DOK6: variants seen among roughly 807,000 people sequenced by gnomAD.
DOK6 encodes the protein downstream of tyrosine kinase 6.
A neutral mutation model predicts 44.0 loss-of-function variants in DOK6; 22 were observed. That is an observed-to-expected ratio of 0.50 (90% CI 0.36 to 0.71). The LOEUF (loss-of-function observed/expected upper bound fraction) is 0.71, where lower values mean the gene tolerates loss of function less well. DOK6 is among the 30% of genes least tolerant of loss of function. DOK6 has a pLI of 0.00. For synonymous variants in DOK6, 166 were observed against 145.5 expected, an observed-to-expected ratio of 1.14 and a Z score of -1.01; for missense variants, 340 against 416.4, an observed-to-expected ratio of 0.82 and a Z score of 1.60.
intron 1 of DOK6, among the ~76,000 whole-genome samples, chr18:69,493,617 T>C (rs1238904220): frequency 2.6e-5 from 4 of 152,224 alleles, no homozygotes; most frequent in African/African-American, 9.6e-5. Flanking sequence ...TCAATAATTA[T>C]CATTTTTTTC....
intron 1 of DOK6, among the ~76,000 whole-genome samples, chr18:69,545,384 A>T (rs1454324173): frequency 6.6e-6 from 1 of 150,540 alleles, no homozygotes; most frequent in East Asian, 1.9e-4. Flanking sequence ...CTGTTGACCT[A>T]AAACTTGCTG....
rs553545042 is a variant in DOK6, at chr18:69,755,666, CAT to C, written c.739-2087_739-2086del. On this transcript the variant is annotated intron_variant, in intron 6 of 7. Coordinates refer to ENST00000382713, the MANE Select transcript of DOK6 (RefSeq NM_152721.6). ...TGGTGGTGGATGATGGACTTCCATC[CAT>C]ATGAGGGTGTAATGCACGTTTTTAA... Among the ~76,000 whole-genome samples, 74 of 152,300 alleles carry C rather than the reference CAT, an allele frequency of 4.9e-4. No homozygotes were observed. In the South Asian group the frequency reaches 0.014, roughly 28 times the overall value.
intron 2 of DOK6, 69 bp from the exon 3 acceptor site, chr18:69,599,315 T>TTTTG: frequency 9.3e-7 from 1 of 1,075,720 alleles, no homozygotes; most frequent in Non-Finnish European, 1.3e-6. Context: ...TAACTTATCA[T>TTTTG]TTTGTTTCAG....
chr18:69,813,137 C>T (rs1225910023), intron 7 of DOK6, among the ~76,000 whole-genome samples: 1 of 152,146 alleles, frequency 6.6e-6, no homozygotes, highest in Non-Finnish European at 1.5e-5. Flanking sequence ...TCCAAACTTG[C>T]ACCTGACAAG....
intron 7 of DOK6, among the ~76,000 whole-genome samples, chr18:69,831,949 G>T (rs1981913123): frequency 6.6e-6 from 1 of 150,742 alleles, no homozygotes; most frequent in Non-Finnish European, 1.5e-5. Flanking sequence ...GGAGTCTCTA[G>T]ATTTTTCTAA....
rs544588632 is a variant in DOK6 at position 69,776,934 on chromosome 18, G to C, written c.856+19061G>C. ...AAAAAGACTGCATGTTCTCACTCAG[G>C]TGGGAATTGAACAATGAGAACACAC... On this transcript the variant is annotated intron_variant, in intron 7 of 7. Coordinates refer to ENST00000382713, the MANE Select transcript of DOK6 (RefSeq NM_152721.6). Among the ~76,000 whole-genome samples, 6 of 145,784 alleles carry C rather than the reference G, an allele frequency of 4.1e-5. No homozygotes were observed. The Admixed American group carries it at 4.2e-4, about 10-fold the overall frequency.
chr18:69,830,673 T>G (rs1318212483), intron 7 of DOK6, among the ~76,000 whole-genome samples: 1 of 152,210 alleles, frequency 6.6e-6, no homozygotes, highest in Non-Finnish European at 1.5e-5. Flanking sequence ...TTGAATTGTT[T>G]TTTGTTATTC....
At chr18:69,738,172 CAT>C (rs748321146) in intron 5 of DOK6, among the ~76,000 whole-genome samples, 4 of 152,140 alleles carry the variant, frequency 2.6e-5, no homozygotes, top group Non-Finnish European at 4.4e-5. Flanking sequence ...TTTGGAGAAT[CAT>C]AGAGAAGAAT....
chr18:69,496,427 C>A (rs529833355), intron 1 of DOK6, among the ~76,000 whole-genome samples: 120 of 152,334 alleles, frequency 7.9e-4, no homozygotes, highest in Middle Eastern at 6.8e-3. Context: ...CGGGGCTTCC[C>A]GGCTGCAGCT....
chr18:69,841,318 GC>G lies in DOK6; in HGVS notation c.934del (p.Gln312SerfsTer29), dbSNP rs1349304232. On this transcript the variant is annotated frameshift_variant, in exon 8 of 8. Transcript: ENST00000382713. LOFTEE classifies it high-confidence loss of function. ...CTACGCCCCAGAACAGAGTGAAGAG[GC>G]CCAGCAGCCGTTGTCGCGGTCCAGC... The part of the protein sequence containing the change: ...PSYAPEQSEE[A>X]QQPLSRSSSY... 1.2e-6 allele frequency: 2 copies of G among 1,614,052 alleles called. No homozygotes were observed. The highest frequency in any genetic ancestry group is 1.7e-6 in the Non-Finnish European group (2 of 1,180,044).
At chr18:69,482,041 A>G (rs1192247132) in intron 1 of DOK6, among the ~76,000 whole-genome samples, 3 of 152,108 alleles carry the variant, frequency 2.0e-5, no homozygotes, top group Non-Finnish European at 4.4e-5. Flanking sequence ...GTGTCTGTTC[A>G]TATCCTTTGC....
chr18:69,514,852 G>A (rs1036838), intron 1 of DOK6, among the ~76,000 whole-genome samples: 1 of 46,588 alleles, frequency 2.1e-5, no homozygotes, highest in Non-Finnish European at 6.8e-5. Context: ...TTTTTTTTTT[G>A]AAGAAACAGA....
intron 1 of DOK6, among the ~76,000 whole-genome samples, chr18:69,505,964 A>G (rs1236559899): frequency 2.6e-5 from 4 of 151,688 alleles, no homozygotes; most frequent in African/African-American, 9.7e-5. Flanking sequence ...TTTTTCTCAC[A>G]TTAAGATAAA....
At chr18:69,740,697 G>A (rs972423016) in intron 6 of DOK6, among the ~76,000 whole-genome samples, 1 of 152,200 alleles carries the variant, frequency 6.6e-6, no homozygotes, top group African/African-American at 2.4e-5. Flanking sequence ...TCTGTAACAA[G>A]GGCATGTAAT....
chr18:69,828,971 G>C (rs1981828506), intron 7 of DOK6, among the ~76,000 whole-genome samples: 1 of 146,100 alleles, frequency 6.8e-6, no homozygotes, highest in Admixed American at 7.1e-5. Flanking sequence ...TAACATTTGG[G>C]TAATAGAATG....
At chr18:69,519,673 C>G (rs1315108730) in intron 1 of DOK6, among the ~76,000 whole-genome samples, 1 of 151,834 alleles carries the variant, frequency 6.6e-6, no homozygotes, top group Non-Finnish European at 1.5e-5. Flanking sequence ...GACTAAAATG[C>G]ATTATTTTAT....
In DOK6 at chr18:69,824,082, A is replaced by G. The variant is rs184413878; in HGVS notation, c.857-17162A>G. On this transcript the variant is annotated intron_variant, in intron 7 of 7. Transcript: ENST00000382713. ...AATTATACTTTAAGTTTTAGGGTAC[A>G]TGTGCACAACGTGCAGGTTAGTTAC... 3.4e-3 allele frequency among the ~76,000 whole-genome samples: 513 copies of G among 151,814 alleles called. 3 individuals are homozygous for G. Among genetic ancestry groups the G allele is most frequent in the African/African-American group, 0.011 (461 of 41,380 alleles).
At chr18:69,740,077 G>T (rs567174302) in intron 6 of DOK6, among the ~76,000 whole-genome samples, 1 of 152,208 alleles carries the variant, frequency 6.6e-6, no homozygotes, top group South Asian at 2.1e-4. Context: ...TCCATCTGGG[G>T]TACGGTTAAA....
At chr18:69,546,874 A>G (rs908919979) in intron 1 of DOK6, among the ~76,000 whole-genome samples, 14 of 151,478 alleles carry the variant, frequency 9.2e-5, no homozygotes, top group Admixed American at 2.0e-4. Context: ...CTGTTCTTAC[A>G]TTACTATAAA....
Sources: gnomAD v4.1 joint callset for allele counts (sites outside exome capture counted in the v4.1 genomes callset) on GRCh38, gnomAD v4.1.1 for gene constraint, MANE v1.5 for transcripts, NCBI Gene and HGNC (gene_info 2026-07-23, HGNC 2026-07-21) for gene names.